COG5: variants seen among roughly 807,000 people sequenced by gnomAD.
The protein encoded by COG5 is conserved oligomeric Golgi complex subunit 5.
A neutral mutation model predicts 110.4 loss-of-function variants in COG5; 86 were observed. The ratio of observed to expected loss-of-function variants is 0.78; its 90% CI spans 0.65 to 0.93. The LOEUF (loss-of-function observed/expected upper bound fraction) is 0.93. Among genes scored for constraint, COG5 ranks in the 40% least tolerant of loss-of-function variants. The pLI, the probability that COG5 is intolerant of heterozygous loss-of-function variation, is 0.00. For synonymous variants in COG5, 360 were observed against 334.6 expected, an observed-to-expected ratio of 1.08 and a Z score of -0.83; for missense variants, 1,077 against 987.0, an observed-to-expected ratio of 1.09 and a Z score of -1.22.
intron 6 of COG5, among the ~76,000 whole-genome samples, chr7:107,520,922 G>A (rs1800278194): frequency 1.3e-5 from 2 of 152,180 alleles, no homozygotes; most frequent in Non-Finnish European, 2.9e-5. Context: ...AACCAAAACA[G>A]CATGGTCCTG....
chr7:107,223,613 G>A (rs1485812926), intron 19 of COG5, among the ~76,000 whole-genome samples: 1 of 152,218 alleles, frequency 6.6e-6, no homozygotes, highest in Admixed American at 6.5e-5. Flanking sequence ...GGCCACTAAA[G>A]TGGGGAGTTT....
intron 14 of COG5, among the ~76,000 whole-genome samples, chr7:107,265,313 T>C (rs890645337): frequency 1.3e-5 from 2 of 152,176 alleles, no homozygotes; most frequent in Non-Finnish European, 1.5e-5. Flanking sequence ...AGGGTCTCCC[T>C]CTGTCACGCA....
intron 17 of COG5, among the ~76,000 whole-genome samples, chr7:107,242,360 C>T (rs2116502549): frequency 6.6e-6 from 1 of 152,310 alleles, no homozygotes; most frequent in East Asian, 1.9e-4. Context: ...ACTGGAAAAT[C>T]CGAGTCTACT....
intron 2 of COG5, among the ~76,000 whole-genome samples, chr7:107,556,693 G>C (rs1165385467): frequency 1.3e-5 from 2 of 152,086 alleles, no homozygotes; most frequent in African/African-American, 2.4e-5. Flanking sequence ...TGGGTCCTTG[G>C]AGAGCCAAGA....
intron 11 of COG5, 94 bp downstream of exon 11, chr7:107,324,346 G>C (rs970105171): frequency 5.1e-6 from 4 of 784,938 alleles, no homozygotes; most frequent in Non-Finnish European, 4.2e-6. Context: ...CAATAAAAAT[G>C]TTTTGTAAAC....
chr7:107,383,418 T>G (rs1815300937), intron 7 of COG5, among the ~76,000 whole-genome samples: 1 of 152,158 alleles, frequency 6.6e-6, no homozygotes, highest in Non-Finnish European at 1.5e-5. Flanking sequence ...CCAACCTTCC[T>G]GTTTCATGGA....
At chr7:107,440,222 G>C (rs6964395) in intron 6 of COG5, among the ~76,000 whole-genome samples, 19,106 of 152,126 alleles carry the variant, frequency 0.13, 1,504 homozygotes, top group Non-Finnish European at 0.17. Context: ...CTAGTGCTTA[G>C]AGTAATATCT....
intron 12 of COG5, among the ~76,000 whole-genome samples, chr7:107,291,304 G>C (rs1806150940): frequency 6.6e-6 from 1 of 151,682 alleles, no homozygotes. Context: ...CTTCAAGTTG[G>C]TGAATTCTTT....
At chr7:107,292,468 T>G (rs914909864) in intron 12 of COG5, among the ~76,000 whole-genome samples, 1 of 152,192 alleles carries the variant, frequency 6.6e-6, no homozygotes, top group Non-Finnish European at 1.5e-5. Flanking sequence ...CCATAACAAC[T>G]TTTAGAACTG....
chr7:107,230,560 A>G, intron 19 of COG5, 55 bp downstream of exon 19: 5 of 1,329,574 alleles, frequency 3.8e-6, no homozygotes, highest in Non-Finnish European at 5.4e-6. Context: ...ACCTGCACAG[A>G]AAGGATTTAT....
At chr7:107,384,819 G>C (rs552065011) in intron 7 of COG5, among the ~76,000 whole-genome samples, 20 of 152,284 alleles carry the variant, frequency 1.3e-4, no homozygotes, top group African/African-American at 4.3e-4. Flanking sequence ...CTTTGTTTTA[G>C]ACTTTCCAAT....
intron 5 of COG5, among the ~76,000 whole-genome samples, chr7:107,542,157 C>T (rs918983451): frequency 1.3e-5 from 2 of 151,762 alleles, no homozygotes; most frequent in African/African-American, 4.8e-5. Flanking sequence ...GAGAACTAAC[C>T]ATAAAAGAAA....
At chr7:107,206,798 T>C (rs2116140992) in intron 21 of COG5, among the ~76,000 whole-genome samples, 1 of 152,308 alleles carries the variant, frequency 6.6e-6, no homozygotes, top group East Asian at 1.9e-4. Flanking sequence ...ATCAGAAGTA[T>C]GGGGCAAAAA....
At chr7:107,398,201 CAAA>C (rs1791150073) in intron 7 of COG5, among the ~76,000 whole-genome samples, 2 of 152,236 alleles carry the variant, frequency 1.3e-5, no homozygotes, top group Non-Finnish European at 1.5e-5. Context: ...TCATAATAAA[CAAA>C]AGCAGTCTAC....
At chr7:107,390,341 C>A (rs1790527490) in intron 7 of COG5, among the ~76,000 whole-genome samples, 2 of 152,156 alleles carry the variant, frequency 1.3e-5, no homozygotes, top group South Asian at 4.1e-4. Context: ...ATGAACCTCT[C>A]TTACGGCAAG....
chr7:107,297,975 A>C lies in COG5; in HGVS notation c.1313+167T>G, dbSNP rs3815148. Among the ~76,000 whole-genome samples the C allele has an allele frequency of 0.2, 30,562 of 152,114 alleles. 3,184 individuals carry two copies. Among genetic ancestry groups the C allele is most frequent in the Non-Finnish European group, 0.22 (14,706 of 67,974 alleles). On this transcript the variant is annotated intron_variant, in intron 12 of 21. Coordinates refer to ENST00000297135, the MANE Select transcript of COG5 (RefSeq NM_006348.5). ...TCAACTAAGGGTGAAAAATTGACTT[A>C]TTCAGTTAAAAGTCTTGCAAAGTCT...
chr7:107,291,508 C>G (rs1428565808), intron 12 of COG5, among the ~76,000 whole-genome samples: 3 of 152,132 alleles, frequency 2.0e-5, no homozygotes, highest in South Asian at 4.2e-4. Context: ...TATCTCTCTC[C>G]CACAGTCTTA....
intron 16 of COG5, among the ~76,000 whole-genome samples, chr7:107,249,148 C>T (rs1446478702): frequency 6.6e-6 from 1 of 152,100 alleles, no homozygotes; most frequent in Admixed American, 6.5e-5. Flanking sequence ...ACAACAGTTG[C>T]GCATTTCATG....
In COG5 at chr7:107,384,956, G is replaced by T. The variant is rs116090507; in HGVS notation, c.670-12196C>A. Among the ~76,000 whole-genome samples the T allele has an allele frequency of 1.5e-3, 232 of 152,294 alleles. 1 individual carries two copies. The highest frequency in any genetic ancestry group is 5.4e-3 in the African/African-American group (223 of 41,560). On this transcript the variant is annotated intron_variant, in intron 7 of 21. Transcript: ENST00000297135. ...TGAATTAAATTGTAGAAGACATAGT[G>T]AGTTGAACAATGTCCTTCCAAAAAT...
Sources: allele counts gnomAD v4.1 joint callset (sites outside exome capture counted in the v4.1 genomes callset), GRCh38; gene constraint gnomAD v4.1.1; transcripts MANE v1.5; gene names NCBI Gene and HGNC (gene_info 2026-07-23, HGNC 2026-07-21).